NFIA: variants seen among roughly 807,000 people sequenced by gnomAD.
NFIA encodes the protein nuclear factor I A, also known as nuclear factor 1 A-type.
NFIA carries 8 observed loss-of-function variants against 62.8 expected under a neutral mutation model. The ratio of observed to expected loss-of-function variants is 0.13; its 90% CI spans 0.07 to 0.23. NFIA has a LOEUF of 0.23. Among genes scored for constraint, NFIA ranks in the 10% least tolerant of loss-of-function variants. NFIA has a pLI of 1.00. For synonymous variants in NFIA, 235 were observed against 238.1 expected (o/e 0.99, Z 0.12); for missense variants, 410 against 642.1 (o/e 0.64, Z 3.91).
At chr1:61,159,836 C>A (rs1375002546) in intron 2 of NFIA, among the ~76,000 whole-genome samples, 1 of 151,964 alleles carries the variant, frequency 6.6e-6, no homozygotes, top group East Asian at 1.9e-4. Context: ...CGCCTGCCAC[C>A]ATGCCCGACT....
intron 3 of NFIA, among the ~76,000 whole-genome samples, chr1:61,313,361 C>T (rs1055750104): frequency 2.0e-5 from 3 of 152,208 alleles, no homozygotes; most frequent in Non-Finnish European, 4.4e-5. Flanking sequence ...AGCTTTCACT[C>T]ATGGCAGAGG....
At chr1:61,432,948 A>G (rs553900426) in intron 10 of NFIA, among the ~76,000 whole-genome samples, 11 of 152,302 alleles carry the variant, frequency 7.2e-5, no homozygotes, top group Middle Eastern at 3.4e-3. Context: ...TTTACAGATG[A>G]GGAAACCGAA....
chr1:61,356,010 A>G lies in NFIA; in HGVS notation c.819-3137A>G, dbSNP rs75995799. Among the ~76,000 whole-genome samples, 395 of 152,362 alleles carry G rather than the reference A, an allele frequency of 2.6e-3. 3 individuals carry two copies. Among genetic ancestry groups the G allele is most frequent in the African/African-American group, 9.1e-3 (379 of 41,586 alleles). On this transcript the variant is annotated intron_variant, in intron 5 of 10. Transcript: ENST00000403491. ...TATTTGCATTTTATTAGAGGATGCC[A>G]AGGAAATCAAAACCTTTAAAAACTC...
At chr1:61,257,777 A>G (rs916030163) in intron 2 of NFIA, among the ~76,000 whole-genome samples, 1 of 151,498 alleles carries the variant, frequency 6.6e-6, no homozygotes, top group African/African-American at 2.4e-5. Context: ...GCACACAATC[A>G]TAGCTCAGCA....
chr1:61,182,171 A>G (rs998753860), intron 2 of NFIA, among the ~76,000 whole-genome samples: 2 of 152,218 alleles, frequency 1.3e-5, no homozygotes, highest in East Asian at 1.9e-4. Context: ...TACTGTGACT[A>G]CATGAGCTAA....
intron 6 of NFIA, 115 bp downstream of exon 6, chr1:61,359,389 C>T: frequency 7.0e-7 from 1 of 1,423,224 alleles, no homozygotes; most frequent in South Asian, 1.3e-5. Flanking sequence ...TTCACTTTTT[C>T]AGGATGAGCA....
intron 2 of NFIA, among the ~76,000 whole-genome samples, chr1:61,129,283 T>C (rs1647032596): frequency 1.3e-5 from 2 of 151,956 alleles, no homozygotes; most frequent in Non-Finnish European, 1.5e-5. Flanking sequence ...TTCTAGACCA[T>C]ATGAAGTAGC....
chr1:61,316,900 A>G (rs1660393784), intron 3 of NFIA, among the ~76,000 whole-genome samples: 1 of 152,172 alleles, frequency 6.6e-6, no homozygotes, highest in Non-Finnish European at 1.5e-5. Context: ...GGAAGGAGCT[A>G]AAGTGTGGAG....
At chr1:61,238,702 T>G (rs774974484) in intron 2 of NFIA, among the ~76,000 whole-genome samples, 2 of 152,198 alleles carry the variant, frequency 1.3e-5, no homozygotes, top group African/African-American at 4.8e-5. Context: ...TCTTTTCTGG[T>G]GCTTTTCCCT....
intron 2 of NFIA, among the ~76,000 whole-genome samples, chr1:61,114,783 G>A (rs1260082676): frequency 6.6e-6 from 1 of 152,012 alleles, no homozygotes; most frequent in Non-Finnish European, 1.5e-5. Context: ...TATTTACCTT[G>A]TTCATAGTAT....
At chr1:61,447,158 A>G (rs1009943006) in intron 10 of NFIA, among the ~76,000 whole-genome samples, 24 of 152,242 alleles carry the variant, frequency 1.6e-4, no homozygotes, top group African/African-American at 5.8e-4. Context: ...TGTGAAGGAA[A>G]AGATTATTTT....
chr1:61,330,268 A>G (rs1296644303), intron 3 of NFIA, among the ~76,000 whole-genome samples: 1 of 152,188 alleles, frequency 6.6e-6, no homozygotes, highest in Non-Finnish European at 1.5e-5. Context: ...TGGCCTGTAG[A>G]TTCATTCATC....
At chr1:61,109,159 AATAG>A (rs797011190) in intron 2 of NFIA, among the ~76,000 whole-genome samples, 67 of 152,032 alleles carry the variant, frequency 4.4e-4, no homozygotes, top group African/African-American at 1.5e-3. Context: ...TTAAGACTTG[AATAG>A]ATTACTCTTC....
chr1:61,164,381 A>G (rs1282448448), intron 2 of NFIA, among the ~76,000 whole-genome samples: 1 of 152,122 alleles, frequency 6.6e-6, no homozygotes, highest in African/African-American at 2.4e-5. Flanking sequence ...ACTGGCCAAA[A>G]CTGGGTCATT....
rs148597329 is a variant in NFIA, at chr1:61,304,112, C to G, written c.625+26527C>G. ...CCAACATGATGAAACCCCGTGTCTA[C>G]TGAAAATAGAAAAATTAGCTGGGCA... On this transcript the variant is annotated intron_variant, in intron 3 of 10. Transcript: ENST00000403491. 4.7e-4 allele frequency among the ~76,000 whole-genome samples: 71 copies of G among 152,162 alleles called. 1 individual carries two copies. The highest frequency in any genetic ancestry group is 8.5e-4 in the Non-Finnish European group (58 of 68,010).
At position 61,088,747 on chromosome 1, in the gene NFIA, T is replaced by A. The variant is rs1032545376; in HGVS notation, c.559+67T>A. 1.3e-6 allele frequency: 2 copies of A among 1,518,722 alleles called. No homozygotes were observed. The highest frequency in any genetic ancestry group is 2.8e-5 in the African/African-American group (2 of 72,484). 94.1% of individuals were successfully genotyped at this position (1,518,722 alleles called of 1,614,324 possible). On this transcript the variant is annotated intron_variant, in intron 2 of 10. Transcript: ENST00000403491. The surrounding 1 kb of genome is among the most constrained non-coding windows in gnomAD (Gnocchi z 4.5). ...GTTTCTTTCCTGATGGCCTCCGCGT[T>A]ATGCCGGATTCTTCCTGAGCTCCCC...
At chr1:61,362,732 T>A (rs984374718) in intron 6 of NFIA, among the ~76,000 whole-genome samples, 6 of 152,238 alleles carry the variant, frequency 3.9e-5, no homozygotes, top group Admixed American at 1.3e-4. Context: ...AACTTCAGAA[T>A]GACTTTCGCT....
At chr1:61,111,744 T>G (rs1373107829) in intron 2 of NFIA, among the ~76,000 whole-genome samples, 1 of 152,130 alleles carries the variant, frequency 6.6e-6, no homozygotes, top group African/African-American at 2.4e-5. Flanking sequence ...CATCTGAATC[T>G]CTATTCAGCA....
intron 3 of NFIA, among the ~76,000 whole-genome samples, chr1:61,310,797 T>TTCCTTCCTTC (rs71050119): frequency 1.8e-4 from 27 of 150,054 alleles, no homozygotes; most frequent in East Asian, 4.0e-4. Flanking sequence ...CCTTCCTTCC[T>TTCCTTCCTTC]CTGAATTTCC....
Sources: allele counts gnomAD v4.1 joint callset (sites outside exome capture counted in the v4.1 genomes callset), GRCh38; gene constraint gnomAD v4.1.1; non-coding constraint Gnocchi (gnomAD v3.1); transcripts MANE v1.5; gene names NCBI Gene and HGNC (gene_info 2026-07-23, HGNC 2026-07-21).